Variants in BRSK2 observed in about 807,000 individuals in gnomAD.
The protein encoded by BRSK2 is BR serine/threonine kinase 2, also known as serine/threonine-protein kinase BRSK2.
In BRSK2, 19 loss-of-function variants were observed where a neutral mutation model predicts 83.3. That is an observed-to-expected ratio of 0.23 (90% CI 0.16 to 0.33). BRSK2 has a LOEUF of 0.33. Ranked by LOEUF, BRSK2 falls within the 10% of genes least tolerant of loss-of-function variation. The pLI is 1.00. For synonymous variants in BRSK2, 519 were observed against 435.4 expected (o/e 1.19, Z -2.39); for missense variants, 798 against 1,042.3 (o/e 0.77, Z 3.23).
At chr11:1,442,383 T>C in intron 4 of BRSK2, 107 bp from the exon 5 acceptor site, 2 of 779,476 alleles carry the variant, frequency 2.6e-6, no homozygotes. Context: ...CCCTTATGTG[T>C]GATTGGCGTT....
At chr11:1,443,817 T>A (rs1312573209) in intron 8 of BRSK2, among the ~76,000 whole-genome samples, 182 bp downstream of exon 8, 1 of 151,562 alleles carries the variant, frequency 6.6e-6, no homozygotes, top group Non-Finnish European at 1.5e-5. Flanking sequence ...TGACCAAATG[T>A]GGGCCCATGG....
chr11:1,457,064 C>T, intron 18 of BRSK2: 1 of 1,562,646 alleles, frequency 6.4e-7, no homozygotes, highest in Non-Finnish European at 8.6e-7. Flanking sequence ...GGCGCCCGGC[C>T]TGTGCTGGGG....
intron 1 of BRSK2, among the ~76,000 whole-genome samples, chr11:1,397,029 C>T (rs1438187797): frequency 6.6e-6 from 1 of 152,232 alleles, no homozygotes; most frequent in East Asian, 1.9e-4. Flanking sequence ...TCTGTCAGGC[C>T]CCTTGGGGCT....
chr11:1,445,057 A>G, intron 9 of BRSK2, 55 bp downstream of exon 9: 1 of 1,589,876 alleles, frequency 6.3e-7, no homozygotes, highest in Admixed American at 1.7e-5. Flanking sequence ...TGTGGCCTGG[A>G]GGCCCTGCTA....
At chr11:1,397,706 CCTTGGGCTGAG>C (rs1846213776) in intron 1 of BRSK2, among the ~76,000 whole-genome samples, 2 of 152,366 alleles carry the variant, frequency 1.3e-5, no homozygotes, top group South Asian at 4.1e-4. Flanking sequence ...GGTGCCACGT[CCTTGGGCTGAG>C]CTTGGGTCCT....
In BRSK2 at chr11:1,445,375, C is replaced by A. The variant is rs371631087; in HGVS notation, c.894C>A (p.Ile298=). The A allele has an allele frequency of 3.1e-6, 5 of 1,611,688 alleles. No individual in the cohort carries two copies. The change falls in exon 10 of 20, where the codon ATC becomes ATA. Residue 298 remains isoleucine (I), a synonymous_variant. Coordinates refer to ENST00000528841, the MANE Select transcript of BRSK2 (RefSeq NM_001256627.2). ...GCTCGCTGCCCAGCCTGGAGGACAT[C>A]GACCCCGACGTGCTGGACAGCATGC... ...QIRSLPSLED[I]DPDVLDSMHS...
intron 3 of BRSK2, 133 bp from the exon 4 acceptor site, chr11:1,440,654 GC>G (rs1189813641): frequency 2.0e-5 from 24 of 1,178,874 alleles, no homozygotes; most frequent in Middle Eastern, 3.0e-4. Context: ...CCTCTCAGCT[GC>G]CCCCCCAGCC....
chr11:1,450,754 C>A lies in BRSK2; in HGVS notation c.1455C>A (p.Ser485Arg). Reference sequence around the variant, plus strand: ...CGCGGCTCAACTCCATCAAGAACAGCTTTCTGGGCTCACCCCGCTTCCACC... The same window carrying A: ...CGCGGCTCAACTCCATCAAGAACAGATTTCTGGGCTCACCCCGCTTCCACC... ...WRARLNSIKN[S>R]FLGSPRFHRR... The change falls in exon 14 of 20, where the codon AGC (serine) becomes AGA (arginine). Residue 485 changes from serine to arginine, a missense_variant. Around this residue, in one of 6 missense-constraint regions of BRSK2, gnomAD observed 455 missense variants for 455.2 expected, o/e 1.00. Transcript: ENST00000528841. 6.3e-7 allele frequency: 1 copy of A among 1,595,184 alleles called. No individual in the cohort carries two copies. The highest frequency in any genetic ancestry group is 1.1e-5 in the South Asian group (1 of 88,522).
intron 1 of BRSK2, among the ~76,000 whole-genome samples, chr11:1,426,303 G>A (rs913852354): frequency 6.6e-6 from 1 of 151,586 alleles, no homozygotes; most frequent in Non-Finnish European, 1.5e-5. Context: ...GATGTGTGTG[G>A]GGCGTGCTCT....
In BRSK2 at chr11:1,461,034, C is replaced by T; in HGVS notation, c.*311C>T. 6.2e-7 allele frequency: 1 copy of T among 1,610,556 alleles called. No individual in the cohort carries two copies. Among genetic ancestry groups the T allele is most frequent in the East Asian group, 2.2e-5 (1 of 44,814 alleles). On this transcript the variant is annotated 3_prime_UTR_variant, in exon 20 of 20. Transcript: ENST00000528841. ...CATCCTCTGTGACCGAAGGCAGCTG[C>T]TGCGGACCCGCCCTCCCTCCGCTCC...
chr11:1,453,264 C>T (rs562267586), intron 15 of BRSK2, among the ~76,000 whole-genome samples: 2 of 152,376 alleles, frequency 1.3e-5, no homozygotes, highest in African/African-American at 4.8e-5. Context: ...CCTCACCCCT[C>T]GTCGGCCTGG....
Position 1,461,006 on chromosome 11 carries a change from G to A in BRSK2, c.*283G>A, listed in dbSNP as rs2133324926. On this transcript the variant is annotated 3_prime_UTR_variant, in exon 20 of 20. Transcript: ENST00000528841. ...AAAAGTTAACATGTCACCTCCACGA[G>A]GCCATCCTCTGTGACCGAAGGCAGC... is the stretch of plus-strand genomic sequence containing the variant. The A allele has an allele frequency of 6.2e-7, 1 of 1,612,042 alleles. No individual in the cohort carries two copies. Among genetic ancestry groups the A allele is most frequent in the Non-Finnish European group, 8.5e-7 (1 of 1,179,350 alleles).
intron 8 of BRSK2, 148 bp downstream of exon 8, chr11:1,443,783 TGTC>T (rs1363818841): frequency 1.5e-5 from 17 of 1,114,796 alleles, no homozygotes; most frequent in Middle Eastern, 3.1e-4. Context: ...TGTGCACAGG[TGTC>T]GGCTTGTGTT....
At chr11:1,396,311 C>CGTCCCCCACTCCTCGTCTCTCTT (rs1377694381) in intron 1 of BRSK2, among the ~76,000 whole-genome samples, 1 of 152,064 alleles carries the variant, frequency 6.6e-6, no homozygotes, top group Non-Finnish European at 1.5e-5. Flanking sequence ...CTTACAGCCG[C>CGTCCCCCACTCCTCGTCTCTCTT]CTCGAGGACT....
chr11:1,403,096 C>T (rs1404847740), intron 1 of BRSK2, among the ~76,000 whole-genome samples: 1 of 152,130 alleles, frequency 6.6e-6, no homozygotes. Context: ...GGCCTCTCAC[C>T]CATGGGGTGT....
chr11:1,438,853 G>A lies in BRSK2; in HGVS notation c.272+462G>A, dbSNP rs1590541499. Among the ~76,000 whole-genome samples, 5 of 152,316 alleles carry A rather than the reference G, an allele frequency of 3.3e-5. No homozygotes were observed. In the East Asian group the frequency reaches 9.7e-4, roughly 29 times the overall value. On this transcript the variant is annotated intron_variant, in intron 3 of 19. Coordinates refer to ENST00000528841, the MANE Select transcript of BRSK2 (RefSeq NM_001256627.2). This position sits in a 1 kb window ranked among gnomAD's most constrained non-coding sequence, Gnocchi z 6.4. ...CGCCCTGGCTGGACCGTGGCTGAGT[G>A]TGGCTGAAAGTGTCACCTCCGCAGC... is the stretch of plus-strand genomic sequence containing the variant.
chr11:1,437,721 C>T (rs73409599), intron 2 of BRSK2, among the ~76,000 whole-genome samples: 24,653 of 152,262 alleles, frequency 0.16, 3,222 homozygotes, highest in African/African-American at 0.33. Flanking sequence ...GTGAGGCCTC[C>T]ACCGTAAGGA....
Position 1,450,638 on chromosome 11 carries a change from A to G in BRSK2, c.1339A>G (p.Thr447Ala), listed in dbSNP as rs756053508. 1.1e-5 allele frequency: 18 copies of G among 1,605,100 alleles called. No individual in the cohort carries two copies. The highest frequency in any genetic ancestry group is 1.4e-5 in the Non-Finnish European group (17 of 1,177,192). Reference protein sequence around the residue: ...RGSPLPTPKGTPVHTPKESPA... With the variant: ...RGSPLPTPKGAPVHTPKESPA... ...CAGTCCCCTCCCCACCCCCAAGGGGACACCTGTCCACACGCCAAAGGAGAG... is the reference window on the plus strand; with the variant it reads ...CAGTCCCCTCCCCACCCCCAAGGGGGCACCTGTCCACACGCCAAAGGAGAG... Residue 447 changes from threonine (T) to alanine (A), a missense_variant, in exon 14 of 20, where the codon ACA becomes GCA. Coordinates refer to ENST00000528841, the MANE Select transcript of BRSK2 (RefSeq NM_001256627.2).
intron 12 of BRSK2, among the ~76,000 whole-genome samples, chr11:1,448,286 C>T (rs893777028): frequency 2.6e-5 from 4 of 152,286 alleles, no homozygotes; most frequent in African/African-American, 9.6e-5. Flanking sequence ...TCAAGAGGGG[C>T]CTCTACCTGG....
Sources: gnomAD v4.1 joint callset for allele counts (sites outside exome capture counted in the v4.1 genomes callset) on GRCh38, gnomAD v4.1.1 for gene constraint, gnomAD v4.1.1 regional missense constraint, Gnocchi (gnomAD v3.1) non-coding constraint, MANE v1.5 for transcripts, NCBI Gene and HGNC (gene_info 2026-07-23, HGNC 2026-07-21) for gene names.